SLC44A3: variants seen among roughly 807,000 people sequenced by gnomAD.
SLC44A3 encodes the protein choline transporter-like protein 3.
A neutral mutation model predicts 75.4 loss-of-function variants in SLC44A3; 74 were observed. The ratio of observed to expected loss-of-function variants is 0.98; its 90% CI spans 0.81 to 1.19. The LOEUF is 1.19. SLC44A3 is among the 50% of genes most tolerant of loss of function. The pLI, the probability that SLC44A3 is intolerant of heterozygous loss-of-function variation, is 0.00. For missense variants in SLC44A3, 700 were observed against 778.6 expected (o/e 0.90, Z 1.20); for synonymous variants, 310 against 296.9 (o/e 1.04, Z -0.45).
At chr1:94,836,000 T>A (rs3906198) in intron 5 of SLC44A3, among the ~76,000 whole-genome samples, 79,564 of 152,092 alleles carry the variant, frequency 0.52, 21,014 homozygotes, top group East Asian at 0.69. Context: ...CACTATCCAG[T>A]GACTCAGGAA....
chr1:94,874,506 A>G (rs1668073272), intron 12 of SLC44A3, among the ~76,000 whole-genome samples: 1 of 152,250 alleles, frequency 6.6e-6, no homozygotes, highest in South Asian at 2.1e-4. Flanking sequence ...GTGCCTTCTC[A>G]GAGAGGGAAG....
At chr1:94,872,469 C>T (rs1271346086) in intron 12 of SLC44A3, among the ~76,000 whole-genome samples, 1 of 151,872 alleles carries the variant, frequency 6.6e-6, no homozygotes, top group Admixed American at 6.6e-5. Context: ...TGTTCTTCTT[C>T]CAGCAGAAGT....
chr1:94,845,133 C>A, intron 8 of SLC44A3, 145 bp from the exon 9 acceptor site: 1 of 803,048 alleles, frequency 1.2e-6, no homozygotes, highest in Non-Finnish European at 1.9e-6. Flanking sequence ...TTTGCGAATG[C>A]ATCTGTAAAA....
chr1:94,870,539 C>T (rs577277229), intron 12 of SLC44A3, among the ~76,000 whole-genome samples: 45 of 152,262 alleles, frequency 3.0e-4, no homozygotes, highest in African/African-American at 1.0e-3. Flanking sequence ...GAGAGGTGGA[C>T]CTGAGTATAG....
rs151242396 is a variant in SLC44A3 at position 94,895,159 on chromosome 1, T to C, written c.*237T>C. ...AAAAACTCTTCTAAAACCATGTTTATATGCATCAACTTACAAAGTACACTA... is the reference window on the plus strand; with the variant it reads ...AAAAACTCTTCTAAAACCATGTTTACATGCATCAACTTACAAAGTACACTA... On this transcript the variant is annotated 3_prime_UTR_variant, in exon 15 of 15. Transcript: ENST00000271227. The C allele has an allele frequency of 2.5e-6, 1 of 401,666 alleles. No homozygotes were observed. The highest frequency in any genetic ancestry group is 5.5e-5 in the South Asian group (1 of 18,192). The allele number at this position is 401,666 out of a possible 1,614,324, so 24.9% of individuals were successfully genotyped here. A position where few individuals can be genotyped will look rare whatever the true frequency, so the allele number is the denominator to read the frequency against.
chr1:94,830,500 C>T (rs1039809911), intron 5 of SLC44A3, among the ~76,000 whole-genome samples: 2 of 152,112 alleles, frequency 1.3e-5, no homozygotes, highest in African/African-American at 4.8e-5. Flanking sequence ...CATGATCCAC[C>T]ACGCCTGGCC....
At chr1:94,864,602 C>T in intron 10 of SLC44A3, 141 bp from the exon 11 acceptor site, 1 of 714,394 alleles carries the variant, frequency 1.4e-6, no homozygotes, top group Non-Finnish European at 2.2e-6. Context: ...ACCGAAGCTA[C>T]CAAGGAGTAT....
At chr1:94,881,977 A>T (rs1021354149) in intron 12 of SLC44A3, among the ~76,000 whole-genome samples, 3 of 152,012 alleles carry the variant, frequency 2.0e-5, no homozygotes, top group African/African-American at 7.3e-5. Context: ...CTGAGATCGC[A>T]CCACTGCATT....
intron 10 of SLC44A3, among the ~76,000 whole-genome samples, chr1:94,857,912 C>T (rs1012238434): frequency 6.8e-6 from 1 of 146,086 alleles, no homozygotes; most frequent in Non-Finnish European, 1.5e-5. Flanking sequence ...CTCCTGGGTT[C>T]GAGCGATTCT....
At chr1:94,852,958 G>T (rs1267659797) in intron 9 of SLC44A3, among the ~76,000 whole-genome samples, 3 of 152,194 alleles carry the variant, frequency 2.0e-5, no homozygotes, top group Non-Finnish European at 4.4e-5. Flanking sequence ...ATGTCAAGTA[G>T]GCAGTTAGCT....
At chr1:94,861,370 G>A (rs2101357047) in intron 10 of SLC44A3, among the ~76,000 whole-genome samples, 1 of 152,264 alleles carries the variant, frequency 6.6e-6, no homozygotes, top group South Asian at 2.1e-4. Flanking sequence ...ATGTAATTTT[G>A]AGGTGTGGAA....
chr1:94,864,857 G>A lies in SLC44A3; in HGVS notation c.1353G>A (p.Pro451=), dbSNP rs374975605. The A allele has an allele frequency of 1.2e-4, 191 of 1,613,762 alleles. 1 individual carries two copies. The highest frequency in any genetic ancestry group is 1.6e-4 in the Non-Finnish European group (185 of 1,179,914). Residue 451 remains proline (P), a synonymous_variant, in exon 11 of 15, where the codon CCG becomes CCA. Transcript: ENST00000271227. The part of the protein sequence containing the change: ...GSFLISVVRI[P]RIIVMYMQNA... ...TTTTAATCTCTGTGGTGAGGATTCCGAGAATCATTGTCATGTACATGCAAA... is the reference window on the plus strand; with the variant it reads ...TTTTAATCTCTGTGGTGAGGATTCCAAGAATCATTGTCATGTACATGCAAA...
intron 9 of SLC44A3, among the ~76,000 whole-genome samples, chr1:94,849,438 C>T (rs1168985209): frequency 6.6e-6 from 1 of 152,182 alleles, no homozygotes; most frequent in African/African-American, 2.4e-5. Context: ...CCCAGGTGCA[C>T]AGGGTCCCCT....
intron 10 of SLC44A3, among the ~76,000 whole-genome samples, chr1:94,859,766 T>G (rs1192949139): frequency 6.6e-6 from 1 of 152,158 alleles, no homozygotes; most frequent in African/African-American, 2.4e-5. Flanking sequence ...AACACTGAAA[T>G]GAGGTCCCCC....
chr1:94,883,303 C>A (rs1014553997), intron 12 of SLC44A3, among the ~76,000 whole-genome samples: 2 of 152,110 alleles, frequency 1.3e-5, no homozygotes, highest in Admixed American at 6.5e-5. Flanking sequence ...GAATTCGAGA[C>A]CAGCCTGGGC....
At chr1:94,833,553 C>T (rs936656497) in intron 5 of SLC44A3, among the ~76,000 whole-genome samples, 10 of 152,176 alleles carry the variant, frequency 6.6e-5, no homozygotes, top group African/African-American at 2.4e-4. Context: ...AAGCCCTCTG[C>T]ACCCTTTGCC....
At chr1:94,873,746 G>A (rs2101547266) in intron 12 of SLC44A3, among the ~76,000 whole-genome samples, 1 of 152,310 alleles carries the variant, frequency 6.6e-6, no homozygotes, top group East Asian at 1.9e-4. Context: ...TCCCAAGCCA[G>A]TTGGCAGATC....
At chr1:94,848,043 A>G (rs1664657152) in intron 9 of SLC44A3, among the ~76,000 whole-genome samples, 1 of 152,186 alleles carries the variant, frequency 6.6e-6, no homozygotes, top group African/African-American at 2.4e-5. Context: ...CCTGGCTAAC[A>G]CGGTGAAACC....
intron 12 of SLC44A3, among the ~76,000 whole-genome samples, chr1:94,883,887 G>C (rs936073694): frequency 1.3e-5 from 2 of 152,008 alleles, no homozygotes; most frequent in African/African-American, 4.8e-5. Context: ...TTATCGTAGC[G>C]CATGCTCAGT....
Sources: allele counts gnomAD v4.1 joint callset (sites outside exome capture counted in the v4.1 genomes callset), GRCh38; gene constraint gnomAD v4.1.1; transcripts MANE v1.5; gene names NCBI Gene and HGNC (gene_info 2026-07-23, HGNC 2026-07-21).